Variants in BCHE observed in about 807,000 individuals in gnomAD.
The protein encoded by BCHE is cholinesterase.
In BCHE, 48 loss-of-function variants were observed where a neutral mutation model predicts 51.3. The observed-to-expected ratio is 0.94, with a 90% CI of 0.74 to 1.19. The LOEUF (loss-of-function observed/expected upper bound fraction) is 1.19. BCHE is among the 50% of genes most tolerant of loss of function. The pLI is 0.00. For synonymous variants in BCHE, 251 were observed against 238.0 expected, an observed-to-expected ratio of 1.05 and a Z score of -0.50; for missense variants, 847 against 708.2, an observed-to-expected ratio of 1.20 and a Z score of -2.23.
intron 2 of BCHE, among the ~76,000 whole-genome samples, chr3:165,821,091 T>C (rs1260504208): frequency 6.6e-6 from 1 of 151,930 alleles, no homozygotes; most frequent in African/African-American, 2.4e-5. Flanking sequence ...AATAATAGAA[T>C]GCATATACCT....
rs1266161382 is a variant in BCHE, at chr3:165,773,194, G to A, written c.*188C>T. 7.4e-6 allele frequency: 4 copies of A among 541,246 alleles called. No homozygotes were observed. Among genetic ancestry groups the A allele is most frequent in the African/African-American group, 3.8e-5 (2 of 52,254 alleles). 33.5% of individuals were successfully genotyped at this position (541,246 alleles called of 1,614,324 possible). ...TATATTGTGAAATTTAATTAAACAC[G>A]TTCTAGCCATTTGGGTTTTGAAATG... On this transcript the variant is annotated 3_prime_UTR_variant, in exon 4 of 4. Coordinates refer to ENST00000264381, the MANE Select transcript of BCHE (RefSeq NM_000055.4).
intron 3 of BCHE, among the ~76,000 whole-genome samples, chr3:165,779,607 C>T (rs989054786): frequency 3.9e-5 from 6 of 152,078 alleles, no homozygotes; most frequent in Non-Finnish European, 8.8e-5. Context: ...CACAAGCATT[C>T]CTATACACCA....
chr3:165,822,059 C>T lies in BCHE; in HGVS notation c.1517+7458G>A, dbSNP rs189642192. Among the ~76,000 whole-genome samples the T allele has an allele frequency of 4.3e-3, 647 of 151,904 alleles. 2 individuals carry two copies. Among genetic ancestry groups the T allele is most frequent in the African/African-American group, 0.015 (611 of 41,478 alleles). ...CAGCATGTGTGCTGTGATGTTACTT[C>T]CAAATTACTTTGTTAAGTAGCTTGT... On this transcript the variant is annotated intron_variant, in intron 2 of 3. Transcript: ENST00000264381.
At chr3:165,806,482 C>T (rs1354505219) in intron 2 of BCHE, among the ~76,000 whole-genome samples, 3 of 152,232 alleles carry the variant, frequency 2.0e-5, no homozygotes, top group Admixed American at 6.5e-5. Context: ...GTGGTAACCT[C>T]AGTGATGGTA....
At chr3:165,795,588 T>A (rs1713345401) in intron 2 of BCHE, among the ~76,000 whole-genome samples, 1 of 152,166 alleles carries the variant, frequency 6.6e-6, no homozygotes. Context: ...ACATTTCTAT[T>A]GCTAACGGTA....
chr3:165,773,410 C>G lies in BCHE; in HGVS notation c.1781G>C (p.Ser594Thr). The change falls in exon 4 of 4, where the codon AGC becomes ACC. Residue 594 changes from serine to threonine, a missense_variant. Coordinates refer to ENST00000264381, the MANE Select transcript of BCHE (RefSeq NM_000055.4). ...DWKNQFNDYTSKKESCVGL is the reference protein window; with the variant it reads ...DWKNQFNDYTTKKESCVGL ...GAGACCCACACAACTTTCTTTCTTG[C>G]TAGTGTAATCGTTAAATTGATTTTT... The G allele has an allele frequency of 1.2e-6, 2 of 1,610,776 alleles. No individual in the cohort carries two copies. Among genetic ancestry groups the G allele is most frequent in the Non-Finnish European group, 1.7e-6 (2 of 1,177,620 alleles).
chr3:165,828,168 G>C, intron 2 of BCHE: 1 of 431,020 alleles, frequency 2.3e-6, no homozygotes, highest in South Asian at 1.7e-5. Context: ...AAGAAATGTT[G>C]CATGAGATGT....
intron 2 of BCHE, among the ~76,000 whole-genome samples, chr3:165,817,532 A>G (rs529783889): frequency 6.6e-6 from 1 of 151,948 alleles, no homozygotes; most frequent in Non-Finnish European, 1.5e-5. Context: ...CAGCCGCACT[A>G]TCTTTCTTGC....
chr3:165,814,104 C>T (rs559422164), intron 2 of BCHE, among the ~76,000 whole-genome samples: 1 of 151,954 alleles, frequency 6.6e-6, no homozygotes, highest in South Asian at 2.1e-4. Flanking sequence ...TAATTGTATA[C>T]TAAGTATATA....
chr3:165,797,731 T>C (rs1008428940), intron 2 of BCHE, among the ~76,000 whole-genome samples: 17 of 152,164 alleles, frequency 1.1e-4, no homozygotes, highest in African/African-American at 4.1e-4. Context: ...CTGTTTGCTT[T>C]AGTCTGTGCC....
chr3:165,789,921 C>T (rs1228559385), intron 2 of BCHE, among the ~76,000 whole-genome samples: 1 of 152,010 alleles, frequency 6.6e-6, no homozygotes, highest in Non-Finnish European at 1.5e-5. Context: ...ATTCCTTTAT[C>T]TTGCCATTTT....
chr3:165,832,575 A>C (rs1380963089), intron 1 of BCHE, among the ~76,000 whole-genome samples: 3 of 152,242 alleles, frequency 2.0e-5, no homozygotes, highest in East Asian at 3.9e-4. Context: ...TACAGGCATG[A>C]GCCACCGCGC....
chr3:165,777,649 A>G (rs1468716570), intron 3 of BCHE: 4 of 292,524 alleles, frequency 1.4e-5, no homozygotes, highest in Admixed American at 4.1e-5. Context: ...TGTTTAAAAG[A>G]AAAGGTAAAA....
At chr3:165,778,011 T>C (rs1333813618) in intron 3 of BCHE, among the ~76,000 whole-genome samples, 1 of 152,144 alleles carries the variant, frequency 6.6e-6, no homozygotes, top group Non-Finnish European at 1.5e-5. Flanking sequence ...GCTTAATTAG[T>C]CAACTTAATC....
chr3:165,813,979 AT>A (rs1714205830), intron 2 of BCHE, among the ~76,000 whole-genome samples: 1 of 151,980 alleles, frequency 6.6e-6, no homozygotes, highest in Admixed American at 6.6e-5. Context: ...CAAGATTAGG[AT>A]TTGTACATCC....
intron 2 of BCHE, among the ~76,000 whole-genome samples, chr3:165,802,896 C>G (rs923279249): frequency 1.3e-5 from 2 of 151,976 alleles, no homozygotes; most frequent in Non-Finnish European, 2.9e-5. Flanking sequence ...CGCCCACCAC[C>G]AAGCCCGGCT....
rs552280745 is a variant in BCHE at position 165,799,944 on chromosome 3, A to G, written c.1518-13633T>C. The stretch of plus-strand genomic sequence containing the variant: ...TTTACTGATCATTAGTAAGTTAAAA[A>G]TATCCCATCCATATTTTCTACTATT... On this transcript the variant is annotated intron_variant, in intron 2 of 3. Coordinates refer to ENST00000264381, the MANE Select transcript of BCHE (RefSeq NM_000055.4). Among the ~76,000 whole-genome samples, 827 of 152,174 alleles carry G rather than the reference A, an allele frequency of 5.4e-3. 9 individuals are homozygous for G. Among genetic ancestry groups the G allele is most frequent in the African/African-American group, 0.019 (783 of 41,554 alleles).
chr3:165,819,153 A>G (rs2108227220), intron 2 of BCHE, among the ~76,000 whole-genome samples: 1 of 145,832 alleles, frequency 6.9e-6, no homozygotes, highest in African/African-American at 2.6e-5. Flanking sequence ...ATCTTGGCTC[A>G]CTGCATTCTC....
intron 2 of BCHE, among the ~76,000 whole-genome samples, chr3:165,797,423 G>A: frequency 7.0e-6 from 1 of 141,910 alleles, no homozygotes; most frequent in East Asian, 2.1e-4. Context: ...AGTGCATCCA[G>A]ATGTCTTCCC....
Sources: allele counts gnomAD v4.1 joint callset (sites outside exome capture counted in the v4.1 genomes callset), GRCh38; gene constraint gnomAD v4.1.1; transcripts MANE v1.5; gene names NCBI Gene and HGNC (gene_info 2026-07-23, HGNC 2026-07-21).